The following XIRP2 variants were observed in gnomAD, a reference collection of about 807,000 sequenced individuals.
The protein encoded by XIRP2 is xin actin binding repeat containing 2.
Under a neutral mutation model 277.0 loss-of-function variants are expected in XIRP2, and 236 were observed. The observed-to-expected ratio is 0.85, with a 90% CI of 0.77 to 0.95. XIRP2 has a LOEUF of 0.95. XIRP2 is among the 40% of genes least tolerant of loss of function. XIRP2 has a pLI of 0.00. For missense variants in XIRP2, 4,640 were observed against 4,157.5 expected (o/e 1.12, Z -3.19); for synonymous variants, 1,490 against 1,416.5 (o/e 1.05, Z -1.17).
At chr2:167,092,029 G>T (rs1690163268) in intron 2 of XIRP2, among the ~76,000 whole-genome samples, 1 of 152,068 alleles carries the variant, frequency 6.6e-6, no homozygotes, top group African/African-American at 2.4e-5. Context: ...GGTGAAGAAG[G>T]GAACCAAGAG....
chr2:167,247,057 G>C lies in XIRP2; in HGVS notation c.5665G>C (p.Asp1889His). ...SHRWKESKQP[D>H]AIPGDIEKAI... ...TCGATGGAAAGAATCTAAACAGCCT[G>C]ATGCCATCCCTGGTGATATTGAAAA... The change falls in exon 9 of 11, where the codon GAT (aspartate) becomes CAT (histidine). Residue 1889 changes from aspartate (D) to histidine (H), a missense_variant. Asp to His is a moderately conservative substitution (Grantham distance 81). Coordinates refer to ENST00000409195, the MANE Select transcript of XIRP2 (RefSeq NM_152381.6). 1 of 1,613,110 alleles carries C rather than the reference G, an allele frequency of 6.2e-7. No individual in the cohort carries two copies. The highest frequency in any genetic ancestry group is 8.5e-7 in the Non-Finnish European group (1 of 1,179,628).
At chr2:167,059,886 G>T (rs1221413314) in intron 2 of XIRP2, among the ~76,000 whole-genome samples, 2 of 152,198 alleles carry the variant, frequency 1.3e-5, no homozygotes, top group Non-Finnish European at 2.9e-5. Context: ...ACACAGTGAG[G>T]TGTATCCACA....
chr2:167,014,928 C>T (rs1687779950), intron 2 of XIRP2, among the ~76,000 whole-genome samples: 1 of 151,788 alleles, frequency 6.6e-6, no homozygotes, highest in Non-Finnish European at 1.5e-5. Context: ...TACGGTAATA[C>T]ATTACATTTT....
intron 2 of XIRP2, 118 bp downstream of exon 2, chr2:166,904,008 C>A (rs1370843191): frequency 1.7e-6 from 2 of 1,201,640 alleles, no homozygotes; most frequent in Non-Finnish European, 2.3e-6. Context: ...TGTCCTGAAG[C>A]CGATGTGTAA....
intron 2 of XIRP2, among the ~76,000 whole-genome samples, chr2:167,065,107 A>G (rs1689269700): frequency 6.6e-6 from 1 of 151,964 alleles, no homozygotes; most frequent in African/African-American, 2.4e-5. Flanking sequence ...GCACTATTCT[A>G]CACTTCTACC....
intron 5 of XIRP2, among the ~76,000 whole-genome samples, chr2:167,237,915 T>A (rs1694950207): frequency 6.6e-6 from 1 of 152,206 alleles, no homozygotes; most frequent in South Asian, 2.1e-4. Flanking sequence ...TTTTTTTATA[T>A]CTGCAGTTGT....
chr2:167,187,208 T>C (rs1282351606), intron 3 of XIRP2: 1 of 979,702 alleles, frequency 1.0e-6, no homozygotes, highest in Non-Finnish European at 1.2e-6. Context: ...CATGCATACA[T>C]TACTGAGGGC....
At chr2:166,965,414 G>A (rs556072177) in intron 2 of XIRP2, among the ~76,000 whole-genome samples, 2 of 151,932 alleles carry the variant, frequency 1.3e-5, no homozygotes, top group African/African-American at 2.4e-5. Context: ...ATATCTCAAT[G>A]ACTGTGGAAT....
At chr2:166,967,674 A>G (rs1361958232) in intron 2 of XIRP2, among the ~76,000 whole-genome samples, 1 of 151,974 alleles carries the variant, frequency 6.6e-6, no homozygotes, top group Admixed American at 6.6e-5. Flanking sequence ...TAACCACATT[A>G]CATAAACTTA....
chr2:166,891,241 A>G (rs1259338733), intron 1 of XIRP2, among the ~76,000 whole-genome samples: 1 of 152,222 alleles, frequency 6.6e-6, no homozygotes, highest in Non-Finnish European at 1.5e-5. Context: ...AATTCTTCTA[A>G]TAACTTGTCT....
chr2:167,089,922 G>A (rs1253861775), intron 2 of XIRP2, among the ~76,000 whole-genome samples: 1 of 152,094 alleles, frequency 6.6e-6, no homozygotes. Context: ...TGGACCTTAC[G>A]AGAAAAAAGA....
chr2:167,099,438 T>G (rs1690425970), intron 2 of XIRP2, among the ~76,000 whole-genome samples: 1 of 152,162 alleles, frequency 6.6e-6, no homozygotes, highest in African/African-American at 2.4e-5. Flanking sequence ...CATCTTAACT[T>G]GCTGGGCTCT....
chr2:167,169,691 C>A (rs183889399), intron 3 of XIRP2, among the ~76,000 whole-genome samples: 1 of 152,158 alleles, frequency 6.6e-6, no homozygotes, highest in African/African-American at 2.4e-5. Flanking sequence ...GGTAAAGTTT[C>A]TTTAATTTTA....
At chr2:167,061,814 G>T (rs2105240587) in intron 2 of XIRP2, among the ~76,000 whole-genome samples, 1 of 152,132 alleles carries the variant, frequency 6.6e-6, no homozygotes, top group East Asian at 1.9e-4. Context: ...GCAAGGAAGA[G>T]TTTCCCTTCG....
intron 2 of XIRP2, among the ~76,000 whole-genome samples, chr2:167,039,933 T>C (rs887460866): frequency 6.6e-6 from 1 of 152,104 alleles, no homozygotes; most frequent in Non-Finnish European, 1.5e-5. Context: ...AAAATCAATA[T>C]ACATACATGC....
Position 167,249,430 on chromosome 2 carries a change from C to A in XIRP2, c.8038C>A (p.Gln2680Lys). The A allele has an allele frequency of 6.2e-7, 1 of 1,613,738 alleles. No individual in the cohort carries two copies. The highest frequency in any genetic ancestry group is 8.5e-7 in the Non-Finnish European group (1 of 1,179,828). Residue 2680 changes from glutamine to lysine, a missense_variant, in exon 9 of 11, where the codon CAA becomes AAA. Transcript: ENST00000409195. ...KSACEIKQSH[Q>K]ECSTQQTQQK... ...AGCTTGCGAAATTAAACAAAGTCAC[C>A]AAGAATGTAGTACCCAACAAACACA...
At chr2:167,207,363 T>C (rs553537723) in intron 3 of XIRP2, among the ~76,000 whole-genome samples, 1 of 152,316 alleles carries the variant, frequency 6.6e-6, no homozygotes, top group African/African-American at 2.4e-5. Flanking sequence ...AATTCTAGAA[T>C]GTATATTACA....
chr2:167,173,825 A>T (rs558980603), intron 3 of XIRP2, among the ~76,000 whole-genome samples: 76 of 152,208 alleles, frequency 5.0e-4, no homozygotes, highest in African/African-American at 1.8e-3. Context: ...GGGTGACATG[A>T]TATCTCATTA....
chr2:166,967,582 G>C (rs1686465915), intron 2 of XIRP2, among the ~76,000 whole-genome samples: 1 of 151,888 alleles, frequency 6.6e-6, no homozygotes, highest in South Asian at 2.1e-4. Flanking sequence ...GTATGGCAAA[G>C]CGAGACCTAC....
Sources: allele counts gnomAD v4.1 joint callset (sites outside exome capture counted in the v4.1 genomes callset), GRCh38; gene constraint gnomAD v4.1.1; transcripts MANE v1.5; gene names NCBI Gene and HGNC (gene_info 2026-07-23, HGNC 2026-07-21).